The following PLCH1 variants were observed in gnomAD, a reference collection of about 807,000 sequenced individuals.
PLCH1 encodes the protein phospholipase C eta 1, also known as 1-phosphatidylinositol 4,5-bisphosphate phosphodiesterase eta-1.
A neutral mutation model predicts 126.7 loss-of-function variants in PLCH1; 60 were observed. That is an observed-to-expected ratio of 0.47 (90% CI 0.38 to 0.59). The LOEUF (loss-of-function observed/expected upper bound fraction) is 0.59, where lower values mean the gene tolerates loss of function less well. Ranked by LOEUF, PLCH1 falls within the 20% of genes least tolerant of loss-of-function variation. PLCH1 has a pLI of 0.00. For synonymous variants in PLCH1, 719 were observed against 734.9 expected, an observed-to-expected ratio of 0.98 and a Z score of 0.35; for missense variants, 1,723 against 2,040.0, an observed-to-expected ratio of 0.84 and a Z score of 2.99.
At chr3:155,735,627 C>G (rs1465150761) in intron 1 of PLCH1, among the ~76,000 whole-genome samples, 1 of 139,450 alleles carries the variant, frequency 7.2e-6, no homozygotes, top group Non-Finnish European at 1.5e-5. Flanking sequence ...GAGCGAGACT[C>G]CATCTCAAAA....
chr3:155,732,877 C>CAAAA (rs71155063), intron 1 of PLCH1, among the ~76,000 whole-genome samples: 11 of 80,192 alleles, frequency 1.4e-4, no homozygotes, highest in Non-Finnish European at 1.6e-4. Context: ...GACTGCATCT[C>CAAAA]AAAAAAAAAA....
intron 13 of PLCH1, among the ~76,000 whole-genome samples, chr3:155,501,189 T>C (rs980431975): frequency 1.3e-5 from 2 of 152,154 alleles, no homozygotes; most frequent in Admixed American, 1.3e-4. Flanking sequence ...AAAAGGCACA[T>C]TTGGTTTTTT....
At chr3:155,734,404 G>A (rs1389945157) in intron 1 of PLCH1, among the ~76,000 whole-genome samples, 1 of 152,154 alleles carries the variant, frequency 6.6e-6, no homozygotes, top group African/African-American at 2.4e-5. Context: ...AGACTGCAGT[G>A]AGCCATGATC....
intron 2 of PLCH1, among the ~76,000 whole-genome samples, chr3:155,611,851 C>T (rs1406677007): frequency 1.3e-5 from 2 of 152,194 alleles, no homozygotes; most frequent in African/African-American, 4.8e-5. Context: ...TGGAAATTAA[C>T]TCCAAAAGAA....
In PLCH1 at chr3:155,608,901, C is replaced by G. The variant is rs568867014; in HGVS notation, c.80-12523G>C. On this transcript the variant is annotated intron_variant, in intron 2 of 22. Coordinates refer to ENST00000460012, the MANE Select transcript of PLCH1 (RefSeq NM_014996.4). ...TCTTTCTACTACAGCAGCTCGTGCT[C>G]TCTTGAAAGTGCCACCTCCTGACTG... Among the ~76,000 whole-genome samples, 9 of 152,310 alleles carry G rather than the reference C, an allele frequency of 5.9e-5. No individual in the cohort carries two copies. The East Asian group carries it at 1.5e-3, about 26-fold the overall frequency.
At chr3:155,744,270 C>T (rs764569358) in intron 1 of PLCH1, among the ~76,000 whole-genome samples, 5 of 152,176 alleles carry the variant, frequency 3.3e-5, no homozygotes, top group Non-Finnish European at 7.4e-5. Context: ...CACCCCGCGC[C>T]GCTCGGGCGC....
At chr3:155,675,749 TATA>T (rs1236420500) in intron 2 of PLCH1, among the ~76,000 whole-genome samples, 1 of 152,222 alleles carries the variant, frequency 6.6e-6, no homozygotes, top group Non-Finnish European at 1.5e-5. Flanking sequence ...ACCATTTTAA[TATA>T]ATGATATACT....
intron 1 of PLCH1, among the ~76,000 whole-genome samples, chr3:155,728,267 T>C (rs1340098044): frequency 6.6e-6 from 1 of 152,174 alleles, no homozygotes; most frequent in Non-Finnish European, 1.5e-5. Flanking sequence ...CACAGATCCA[T>C]GCAGTTTGAC....
intron 10 of PLCH1, among the ~76,000 whole-genome samples, chr3:155,534,135 C>T (rs1046189342): frequency 6.6e-6 from 1 of 152,194 alleles, no homozygotes; most frequent in Non-Finnish European, 1.5e-5. Flanking sequence ...GATAGATCCA[C>T]TGACAGCTTG....
chr3:155,544,391 T>C (rs1484059231), intron 10 of PLCH1, among the ~76,000 whole-genome samples: 2 of 152,256 alleles, frequency 1.3e-5, no homozygotes, highest in African/African-American at 4.8e-5. Flanking sequence ...ATAAAGCAAG[T>C]CCTGAGTGAC....
At position 155,485,598 on chromosome 3, in the gene PLCH1, C is replaced by G; in HGVS notation, c.2732G>C (p.Arg911Pro). 6.2e-7 allele frequency: 1 copy of G among 1,613,860 alleles called. No individual in the cohort carries two copies. The highest frequency in any genetic ancestry group is 1.1e-5 in the South Asian group (1 of 91,084). Reference sequence around the variant, plus strand: ...TTTGGCTGGGGCGCTAGCTGTGCGTCGCAGAATTCTATCTCCAATGGATCG... The same window carrying G: ...TTTGGCTGGGGCGCTAGCTGTGCGTGGCAGAATTCTATCTCCAATGGATCG... ...RKRSIGDRIL[R>P]RTASAPAKGR... The change falls in exon 22 of 23, where the codon CGA (arginine) becomes CCA (proline). Residue 911 changes from arginine to proline, a missense_variant. Physicochemically the swap from Arg to Pro is moderately radical, Grantham distance 103 (BLOSUM62 -2). This residue lies in a region of PLCH1 where 947 missense variants were observed against 977.1 expected (regional missense o/e 0.97). Transcript: ENST00000460012.
chr3:155,578,067 G>T (rs1444671133), intron 6 of PLCH1, among the ~76,000 whole-genome samples: 1 of 152,174 alleles, frequency 6.6e-6, no homozygotes, highest in Non-Finnish European at 1.5e-5. Flanking sequence ...TGGAATGCAG[G>T]TGTTTTGGAC....
intron 21 of PLCH1, among the ~76,000 whole-genome samples, chr3:155,454,175 T>C (rs1712381545): frequency 6.6e-6 from 1 of 152,176 alleles, no homozygotes; most frequent in African/African-American, 2.4e-5. Flanking sequence ...GGGCTTGCTA[T>C]CTGATGTACA....
rs140779090 is a variant in PLCH1 at position 155,701,617 on chromosome 3, A to G, written c.79+2529T>C. On this transcript the variant is annotated intron_variant, in intron 2 of 22. Transcript: ENST00000460012. The stretch of plus-strand genomic sequence containing the variant: ...ACAAAAACAAGGAGAAGCCAAAGTG[A>G]ATAAGCAAAAGTGTGGTCAGTAAAT... Among the ~76,000 whole-genome samples, 11 of 152,360 alleles carry G rather than the reference A, an allele frequency of 7.2e-5. No individual in the cohort carries two copies. The East Asian group carries it at 2.1e-3, about 29-fold the overall frequency.
At chr3:155,706,321 C>G (rs1746666301) in intron 1 of PLCH1, among the ~76,000 whole-genome samples, 1 of 148,882 alleles carries the variant, frequency 6.7e-6, no homozygotes. Flanking sequence ...CGTGTCTCTA[C>G]TAAAAATACA....
intron 2 of PLCH1, among the ~76,000 whole-genome samples, chr3:155,667,240 C>A (rs890198454): frequency 2.0e-5 from 3 of 152,134 alleles, no homozygotes; most frequent in Non-Finnish European, 4.4e-5. Context: ...TACTCTCCCC[C>A]ACTGTACACT....
intron 8 of PLCH1, among the ~76,000 whole-genome samples, chr3:155,557,819 T>C (rs1235896892): frequency 6.6e-6 from 1 of 152,184 alleles, no homozygotes; most frequent in Non-Finnish European, 1.5e-5. Context: ...ATGACAGCTT[T>C]TCATAATGGA....
intron 2 of PLCH1, among the ~76,000 whole-genome samples, chr3:155,634,924 A>G (rs1433553647): frequency 6.6e-6 from 1 of 152,162 alleles, no homozygotes; most frequent in African/African-American, 2.4e-5. Context: ...AGAGTGGTTC[A>G]TGGGTAAAAG....
intron 2 of PLCH1, among the ~76,000 whole-genome samples, chr3:155,674,460 T>C (rs998127101): frequency 6.6e-6 from 1 of 152,074 alleles, no homozygotes. Context: ...AGATATAGAG[T>C]TGATCTGCAT....
Sources: gnomAD v4.1 joint callset for allele counts (sites outside exome capture counted in the v4.1 genomes callset) on GRCh38, gnomAD v4.1.1 for gene constraint, gnomAD v4.1.1 regional missense constraint, MANE v1.5 for transcripts, NCBI Gene and HGNC (gene_info 2026-07-23, HGNC 2026-07-21) for gene names.